Variants in CASKIN1 observed in about 807,000 individuals in gnomAD.
CASKIN1 encodes CASK interacting protein 1.
A neutral mutation model predicts 117.5 loss-of-function variants in CASKIN1; 42 were observed. The ratio of observed to expected loss-of-function variants is 0.36; its 90% CI spans 0.28 to 0.46. The LOEUF is 0.46. Among genes scored for constraint, CASKIN1 ranks in the 20% least tolerant of loss-of-function variants. The probability of loss-of-function intolerance (pLI) is 1.00; values close to 1 mark genes in which losing one functional copy is unlikely to be tolerated. For missense variants in CASKIN1, 2,083 were observed against 2,077.3 expected (o/e 1.00, Z -0.05); for synonymous variants, 1,148 against 961.7 (o/e 1.19, Z -3.59).
chr16:2,186,909 G>C, intron 9 of CASKIN1, 69 bp downstream of exon 9: 2 of 1,599,964 alleles, frequency 1.3e-6, no homozygotes, highest in South Asian at 1.1e-5. Context: ...CGGCGGGAGG[G>C]TGTTCTGGGG....
chr16:2,188,688 T>A (rs1180015084), intron 6 of CASKIN1, among the ~76,000 whole-genome samples: 1 of 152,052 alleles, frequency 6.6e-6, no homozygotes, highest in African/African-American at 2.4e-5. Flanking sequence ...CTCCCTGTGC[T>A]AAGACTTCCC....
At chr16:2,191,977 C>A (rs1364093034) in intron 1 of CASKIN1, among the ~76,000 whole-genome samples, 1 of 152,262 alleles carries the variant, frequency 6.6e-6, no homozygotes, top group East Asian at 1.9e-4. Context: ...TCCACACCCA[C>A]CCCGTCGGGG....
intron 16 of CASKIN1, among the ~76,000 whole-genome samples, chr16:2,183,174 C>T (rs537738796): frequency 2.6e-5 from 4 of 152,312 alleles, no homozygotes; most frequent in South Asian, 4.1e-4. Context: ...GCCACACGTG[C>T]GGTGGAGCAT....
chr16:2,178,479 G>T lies in CASKIN1; in HGVS notation c.*71C>A. 1 of 1,256,844 alleles carries T rather than the reference G, an allele frequency of 8.0e-7. No individual in the cohort carries two copies. The highest frequency in any genetic ancestry group is 1.1e-6 in the Non-Finnish European group (1 of 936,638). The allele number at this position is 1,256,844 out of a possible 1,614,324, so 77.9% of individuals were successfully genotyped here. On this transcript the variant is annotated 3_prime_UTR_variant, in exon 20 of 20. Coordinates refer to ENST00000343516, the MANE Select transcript of CASKIN1 (RefSeq NM_020764.4). ...GGCCGCTCGCGCCGCGCCCAGACGCGCCCATCCTGAGGTATAGGTCAGTGT... is the reference window on the plus strand; with the variant it reads ...GGCCGCTCGCGCCGCGCCCAGACGCTCCCATCCTGAGGTATAGGTCAGTGT...
Position 2,178,105 on chromosome 16 carries a change from A to G in CASKIN1, c.*445T>C, listed in dbSNP as rs1338402226. 9.9e-6 allele frequency: 5 copies of G among 506,194 alleles called. No homozygotes were observed. The highest frequency in any genetic ancestry group is 1.9e-5 in the African/African-American group (1 of 51,674). The allele number at this position is 506,194 out of a possible 1,614,324, so 31.4% of individuals were successfully genotyped here. The stretch of plus-strand genomic sequence containing the variant: ...GGAAATCCGCCTCAGCTCATTCCCA[A>G]TAAATTAATACTCTTGATAGCTTAT... On this transcript the variant is annotated 3_prime_UTR_variant, in exon 20 of 20. Coordinates refer to ENST00000343516, the MANE Select transcript of CASKIN1 (RefSeq NM_020764.4).
chr16:2,187,402 T>G lies in CASKIN1; in HGVS notation c.677A>C (p.His226Pro), dbSNP rs1333745400. Residue 226 changes from histidine to proline, a missense_variant, in exon 7 of 20, where the codon CAC becomes CCC. By Grantham distance (77) the His-to-Pro change is moderately conservative. Coordinates refer to ENST00000343516, the MANE Select transcript of CASKIN1 (RefSeq NM_020764.4). Reference protein sequence around the residue: ...NRQTKSGTALHEAALCGKTEV... With the variant: ...NRQTKSGTALPEAALCGKTEV... ...TGTCTTTCCGCAGAGCGCAGCCTCG[T>G]GCAGGGCCGTGCCGGACTTGGTCTG... 6.2e-7 allele frequency: 1 copy of G among 1,611,420 alleles called. No homozygotes were observed. The highest frequency in any genetic ancestry group is 8.5e-7 in the Non-Finnish European group (1 of 1,179,832).
At chr16:2,190,046 C>A in intron 3 of CASKIN1, 27 bp downstream of exon 3, 1 of 1,600,808 alleles carries the variant, frequency 6.2e-7, no homozygotes, top group Non-Finnish European at 8.5e-7. Context: ...GCCCCTGCCC[C>A]CACCAGAGGC....
rs1205956450 is a variant in CASKIN1 at position 2,179,746 on chromosome 16, G to A, written c.3622C>T (p.Leu1208=). The A allele has an allele frequency of 2.6e-6, 4 of 1,558,832 alleles. No individual in the cohort carries two copies. The highest frequency in any genetic ancestry group is 2.6e-6 in the Non-Finnish European group (3 of 1,157,954). ...CCCTCGGGCGGGGGCAATGGGGGTAGGTGCGCCAGGTCGGTGGGCGGGGGT... is the reference window on the plus strand; with the variant it reads ...CCCTCGGGCGGGGGCAATGGGGGTAAGTGCGCCAGGTCGGTGGGCGGGGGT... ...AEPPPTDLAH[L]PPLPPPEGEA... is the part of the protein sequence containing the mutation. The change falls in exon 18 of 20, where the codon CTA becomes TTA. Residue 1208 remains leucine, a synonymous_variant. Transcript: ENST00000343516. The surrounding 1 kb of genome is among the most constrained non-coding windows in gnomAD (Gnocchi z 5.8).
chr16:2,190,498 C>T, intron 1 of CASKIN1, 140 bp from the exon 2 acceptor site: 2 of 752,750 alleles, frequency 2.7e-6, no homozygotes, highest in Non-Finnish European at 4.4e-6. Flanking sequence ...CACTCGTCCA[C>T]TCGTGCACTC....
At chr16:2,195,973 T>C (rs258292) in intron 1 of CASKIN1, among the ~76,000 whole-genome samples, 4 of 123,820 alleles carry the variant, frequency 3.2e-5, no homozygotes, top group African/African-American at 1.0e-4. Context: ...GTGTGGTGGG[T>C]GGGGGGGGCA....
Position 2,177,751 on chromosome 16 carries a change from G to T in CASKIN1, c.*799C>A. 1 of 243,364 alleles carries T rather than the reference G, an allele frequency of 4.1e-6. No homozygotes were observed. Among genetic ancestry groups the T allele is most frequent in the South Asian group, 1.1e-4 (1 of 8,938 alleles). The allele number at this position is 243,364 out of a possible 1,614,324, so 15.1% of individuals were successfully genotyped here. On this transcript the variant is annotated 3_prime_UTR_variant, in exon 20 of 20. Coordinates refer to ENST00000343516, the MANE Select transcript of CASKIN1 (RefSeq NM_020764.4). The stretch of plus-strand genomic sequence containing the variant: ...ATTCACCAAACCCACCCGCGCCCTG[G>T]GACGCAGCCACGCCAGGAGGAGGAC...
chr16:2,181,617 G>A lies in CASKIN1; in HGVS notation c.1769-18C>T. 6.5e-7 allele frequency: 1 copy of A among 1,544,514 alleles called. No individual in the cohort carries two copies. Among genetic ancestry groups the A allele is most frequent in the East Asian group, 2.4e-5 (1 of 41,222 alleles). On this transcript the variant is annotated intron_variant, in intron 17 of 19. Coordinates refer to ENST00000343516, the MANE Select transcript of CASKIN1 (RefSeq NM_020764.4). ...CTGGTGCCCTGAGTGGGGCGCAGGG[G>A]GCAGGTCAGGTGGACCAGGAGGCGG...
At position 2,183,631 on chromosome 16, in the gene CASKIN1, T is replaced by C; in HGVS notation, c.1629+15A>G. ...CCCGTCCTGGGCCCAGCCCCTGGGATGCAGGTGGCCTTACGGGTTTGTGCT... is the reference window on the plus strand; with the variant it reads ...CCCGTCCTGGGCCCAGCCCCTGGGACGCAGGTGGCCTTACGGGTTTGTGCT... On this transcript the variant is annotated intron_variant, in intron 16 of 19. Transcript: ENST00000343516. 6.2e-7 allele frequency: 1 copy of C among 1,612,116 alleles called. No individual in the cohort carries two copies. The highest frequency in any genetic ancestry group is 8.5e-7 in the Non-Finnish European group (1 of 1,179,224).
rs1301583869 is a variant in CASKIN1 at position 2,177,698 on chromosome 16, C to G, written c.*852G>C. On this transcript the variant is annotated 3_prime_UTR_variant, in exon 20 of 20. Coordinates refer to ENST00000343516, the MANE Select transcript of CASKIN1 (RefSeq NM_020764.4). ...CCTGGCCTGCTACATGCCCTGCTTC[C>G]ACGTGGCTGCCACGCTGACACACCC... The G allele has an allele frequency of 1.2e-5, 3 of 243,888 alleles. No individual in the cohort carries two copies. Among genetic ancestry groups the G allele is most frequent in the African/African-American group, 2.2e-5 (1 of 45,142 alleles). 15.1% of individuals were successfully genotyped at this position (243,888 alleles called of 1,614,324 possible). A position where few individuals can be genotyped will look rare whatever the true frequency, so the allele number is the denominator to read the frequency against.
chr16:2,180,122 C>A lies in CASKIN1; in HGVS notation c.3246G>T (p.Gly1082=). The change falls in exon 18 of 20, where the codon GGG becomes GGT. Residue 1082 remains glycine, a synonymous_variant. Coordinates refer to ENST00000343516, the MANE Select transcript of CASKIN1 (RefSeq NM_020764.4). ...GLLATARRGP[G]ESADPGPFVE... is the part of the protein sequence containing the mutation. ...CAAAGGGGCCTGGGTCTGCCGACTC[C>A]CCAGGCCCCCGGCGGGCAGTGGCCA... The A allele has an allele frequency of 6.4e-7, 1 of 1,553,282 alleles. No individual in the cohort carries two copies. The highest frequency in any genetic ancestry group is 1.2e-5 in the South Asian group (1 of 84,722).
rs745971415 is a variant in CASKIN1, at chr16:2,186,859, C to A, written c.931-35G>T. 1.2e-5 allele frequency: 20 copies of A among 1,607,820 alleles called. No homozygotes were observed. The South Asian group carries it at 2.2e-4, about 18-fold the overall frequency. On this transcript the variant is annotated intron_variant, in intron 9 of 19. Coordinates refer to ENST00000343516, the MANE Select transcript of CASKIN1 (RefSeq NM_020764.4). ...AAGGTGGGGGGCGCTCAGGGAGATG[C>A]CCCCTTTCGCAGAGTCTCCTGCCCA... is the stretch of plus-strand genomic sequence containing the variant.
chr16:2,186,162 T>A (rs2093183844), intron 10 of CASKIN1, among the ~76,000 whole-genome samples: 1 of 152,126 alleles, frequency 6.6e-6, no homozygotes, highest in Non-Finnish European at 1.5e-5. Flanking sequence ...AGACATGGAA[T>A]CTCACTATGT....
In CASKIN1 at chr16:2,189,092, G is replaced by T. The variant is rs759445978; in HGVS notation, c.552C>A (p.Ala184=). 1.5e-5 allele frequency: 24 copies of T among 1,613,652 alleles called. No homozygotes were observed. Among genetic ancestry groups the T allele is most frequent in the Admixed American group, 1.7e-5 (1 of 60,004 alleles). ...AAGGGCTGGTGCCGTTGGGGTCGGT[G>T]GCGTCTCCCGGCCGGGGCTCCAGCA... ...AALLEPRPGD[A]TDPNGTSPLH... is the part of the protein sequence containing the mutation. Residue 184 remains alanine, a synonymous_variant, in exon 6 of 20, where the codon GCC becomes GCA. Coordinates refer to ENST00000343516, the MANE Select transcript of CASKIN1 (RefSeq NM_020764.4).
In CASKIN1 at chr16:2,189,649, GACCCCA is replaced by G. The variant is rs2093195321; in HGVS notation, c.245-91_245-86del. 4.9e-5 allele frequency: 70 copies of G among 1,415,750 alleles called. No individual in the cohort carries two copies. The South Asian group carries it at 8.8e-4, about 18-fold the overall frequency. 87.7% of individuals were successfully genotyped at this position (1,415,750 alleles called of 1,614,324 possible). Reference sequence around the variant, plus strand: ...AGGGGGGTGCTGGGACCTGACCCCTGACCCCAAGTCCAACCCTGGGGGGTGGGAGGG... The same window carrying G: ...AGGGGGGTGCTGGGACCTGACCCCTGAGTCCAACCCTGGGGGGTGGGAGGG... On this transcript the variant is annotated intron_variant, in intron 3 of 19. Coordinates refer to ENST00000343516, the MANE Select transcript of CASKIN1 (RefSeq NM_020764.4).
Sources: allele counts gnomAD v4.1 joint callset (sites outside exome capture counted in the v4.1 genomes callset), GRCh38; gene constraint gnomAD v4.1.1; non-coding constraint Gnocchi (gnomAD v3.1); transcripts MANE v1.5; gene names NCBI Gene and HGNC (gene_info 2026-07-23, HGNC 2026-07-21).